ESRRG: variants seen among roughly 807,000 people sequenced by gnomAD.
The protein encoded by ESRRG is estrogen-related receptor gamma.
ESRRG carries 13 observed loss-of-function variants against 44.0 expected under a neutral mutation model. The ratio of observed to expected loss-of-function variants is 0.30; its 90% CI spans 0.19 to 0.47. ESRRG has a LOEUF of 0.47. Ranked by LOEUF, ESRRG falls within the 20% of genes least tolerant of loss-of-function variation. The pLI is 1.00. For synonymous variants in ESRRG, 215 were observed against 214.6 expected (o/e 1.00, Z -0.02); for missense variants, 395 against 580.6 (o/e 0.68, Z 3.29).
intron 1 of ESRRG, among the ~76,000 whole-genome samples, chr1:216,994,870 C>T (rs1200281128): frequency 6.6e-6 from 1 of 152,172 alleles, no homozygotes; most frequent in Non-Finnish European, 1.5e-5. Flanking sequence ...CAGGTGTGAG[C>T]CACCGTGCCC....
intron 1 of ESRRG, among the ~76,000 whole-genome samples, chr1:217,126,645 G>A (rs2092894226): frequency 6.6e-6 from 1 of 152,114 alleles, no homozygotes; most frequent in African/African-American, 2.4e-5. Flanking sequence ...TAGGCAAACA[G>A]CAGGAATTAA....
intron 1 of ESRRG, among the ~76,000 whole-genome samples, chr1:217,058,041 T>C (rs1196368652): frequency 6.6e-6 from 1 of 152,090 alleles, no homozygotes; most frequent in Non-Finnish European, 1.5e-5. Context: ...TACTAATAAC[T>C]ATAATTCAAG....
chr1:217,054,455 A>T (rs2086690320), intron 1 of ESRRG, among the ~76,000 whole-genome samples: 2 of 152,246 alleles, frequency 1.3e-5, no homozygotes, highest in Middle Eastern at 6.8e-3. Flanking sequence ...ATTTTCTGAG[A>T]TTTTCTCAAT....
intron 2 of ESRRG, among the ~76,000 whole-genome samples, chr1:216,807,605 C>T (rs977443329): frequency 6.6e-6 from 1 of 151,826 alleles, no homozygotes; most frequent in Admixed American, 6.6e-5. Context: ...CCTTGAGGTA[C>T]AGATATCTGA....
At chr1:216,913,246 C>G (rs757421488) in intron 2 of ESRRG, among the ~76,000 whole-genome samples, 8 of 151,758 alleles carry the variant, frequency 5.3e-5, no homozygotes, top group Non-Finnish European at 8.8e-5. Context: ...TACATTATAG[C>G]AACTACTTAC....
At chr1:216,929,851 G>A (rs1420471221) in intron 2 of ESRRG, among the ~76,000 whole-genome samples, 2 of 152,066 alleles carry the variant, frequency 1.3e-5, no homozygotes, top group Non-Finnish European at 2.9e-5. Flanking sequence ...TGCTACATCT[G>A]TGATCCCTTT....
chr1:216,559,021 C>T (rs2058168345), intron 5 of ESRRG, among the ~76,000 whole-genome samples: 2 of 150,634 alleles, frequency 1.3e-5, no homozygotes, highest in Non-Finnish European at 3.0e-5. Flanking sequence ...AGGCACACAC[C>T]ACCACATCCA....
intron 2 of ESRRG, among the ~76,000 whole-genome samples, chr1:216,762,268 C>T (rs894890426): frequency 2.1e-3 from 319 of 151,954 alleles, no homozygotes; most frequent in African/African-American, 7.4e-3. Context: ...ATGTTTATTG[C>T]GGCATTATTC....
intron 2 of ESRRG, among the ~76,000 whole-genome samples, chr1:216,916,310 A>G (rs982666937): frequency 6.6e-6 from 1 of 152,076 alleles, no homozygotes; most frequent in African/African-American, 2.4e-5. Flanking sequence ...TTTGATCACC[A>G]TTTGTTTCAT....
chr1:217,022,734 C>A (rs756648067), intron 1 of ESRRG, among the ~76,000 whole-genome samples: 1 of 152,096 alleles, frequency 6.6e-6, no homozygotes, highest in Non-Finnish European at 1.5e-5. Flanking sequence ...GCAATGTACA[C>A]TTTGTTTTGT....
rs749847047 is a variant in ESRRG, at chr1:216,916,834, C to CTTTT, written c.-14+22744_-14+22747dup. Among the ~76,000 whole-genome samples, 27 of 62,480 alleles carry CTTTT rather than the reference C, an allele frequency of 4.3e-4. 5 individuals are homozygous for CTTTT. The highest frequency in any genetic ancestry group is 6.4e-4 in the Non-Finnish European group (23 of 35,818). 41.0% of individuals were successfully genotyped at this position (62,480 alleles called of 152,430 possible). ...GGTTCAAATTCCACTCAGCTTTGGT[C>CTTTT]TTTTTTTTTTTTTTTTTTTTTTTTT... On this transcript the variant is annotated intron_variant, in intron 2 of 7. Coordinates refer to the ESRRG transcript ENST00000359162.
chr1:216,734,904 C>CTTTTTT (rs11309409), intron 2 of ESRRG, among the ~76,000 whole-genome samples: 83 of 100,338 alleles, frequency 8.3e-4, no homozygotes, highest in African/African-American at 9.7e-4. Flanking sequence ...GTTCCATATT[C>CTTTTTT]TTTTTTTTTT....
intron 1 of ESRRG, among the ~76,000 whole-genome samples, chr1:217,119,018 G>T (rs202114076): frequency 7.8e-6 from 1 of 129,002 alleles, no homozygotes. Flanking sequence ...TAGATAGATA[G>T]ATAGATAGAT....
At chr1:216,540,064 G>A (rs1211087084) in intron 5 of ESRRG, among the ~76,000 whole-genome samples, 2 of 152,096 alleles carry the variant, frequency 1.3e-5, no homozygotes, top group South Asian at 2.1e-4. Flanking sequence ...TGGAGATGCT[G>A]TCTGGCCACA....
chr1:216,520,680 C>G (rs2045816373), intron 5 of ESRRG, among the ~76,000 whole-genome samples: 1 of 152,166 alleles, frequency 6.6e-6, no homozygotes, highest in Non-Finnish European at 1.5e-5. Context: ...AACCATCCAC[C>G]TCATGGCTTC....
At chr1:216,570,175 T>TTGG (rs770801189) in intron 3 of ESRRG, among the ~76,000 whole-genome samples, 4 of 152,226 alleles carry the variant, frequency 2.6e-5, no homozygotes, top group Non-Finnish European at 4.4e-5. Context: ...AATTGTCATA[T>TTGG]TGAAGTATCA....
At position 216,558,873 on chromosome 1, in the gene ESRRG, T is replaced by TTTTG. The variant is rs1441557282; in HGVS notation, c.862+5345_862+5346insCAAA. ...TGTTTTTTGTTTTTTGTTTTTTGTTTTTTTGTTTTTTTTGCGATGGAGTCT... is the reference window on the plus strand; with the variant it reads ...TGTTTTTTGTTTTTTGTTTTTTGTTTTTTGTTTTGTTTTTTTTGCGATGGAGTCT... On this transcript the variant is annotated intron_variant, in intron 5 of 6. Transcript: ENST00000408911. 2.5e-3 allele frequency among the ~76,000 whole-genome samples: 380 copies of TTTTG among 152,000 alleles called. 3 individuals are homozygous for TTTTG. Among genetic ancestry groups the TTTTG allele is most frequent in the African/African-American group, 8.8e-3 (364 of 41,346 alleles).
At chr1:216,894,810 C>G (rs1438300423) in intron 2 of ESRRG, among the ~76,000 whole-genome samples, 1 of 152,048 alleles carries the variant, frequency 6.6e-6, no homozygotes, top group Non-Finnish European at 1.5e-5. Flanking sequence ...CTAGACTAAT[C>G]AATGGGAAAA....
Position 216,967,344 on chromosome 1 carries a change from C to A in ESRRG, c.-105-27671G>T, listed in dbSNP as rs766958452. Among the ~76,000 whole-genome samples, 11 of 152,198 alleles carry A rather than the reference C, an allele frequency of 7.2e-5. No homozygotes were observed. The Middle Eastern group carries it at 0.01, about 141-fold the overall frequency. On this transcript the variant is annotated intron_variant, in intron 1 of 7. Transcript: ENST00000359162. ...ATGTACCTATTATTATAATATCATA[C>A]AAAATAGTTTCACTGCCCTAAAAAT...
Sources: allele counts gnomAD v4.1 joint callset (sites outside exome capture counted in the v4.1 genomes callset), GRCh38; gene constraint gnomAD v4.1.1; transcripts MANE v1.5; gene names NCBI Gene and HGNC (gene_info 2026-07-23, HGNC 2026-07-21).